CA12: variants seen among roughly 807,000 people sequenced by gnomAD.
CA12 encodes carbonate dehydratase XII.
Under a neutral mutation model 46.8 loss-of-function variants are expected in CA12, and 36 were observed. The ratio of observed to expected loss-of-function variants is 0.77; its 90% CI spans 0.59 to 1.02. CA12 has a LOEUF of 1.02. Ranked by LOEUF, CA12 falls within the 50% of genes least tolerant of loss-of-function variation. The pLI is 0.00. For synonymous variants in CA12, 202 were observed against 187.0 expected (o/e 1.08, Z -0.65); for missense variants, 436 against 451.4 (o/e 0.97, Z 0.31).
At chr15:63,381,072 G>C (rs1172038819) in intron 1 of CA12, among the ~76,000 whole-genome samples, 2 of 152,060 alleles carry the variant, frequency 1.3e-5, no homozygotes, top group Non-Finnish European at 2.9e-5. Context: ...GTGTGTGTGT[G>C]TACGTGCACA....
At chr15:63,336,539 C>T (rs1457241308) in intron 8 of CA12, among the ~76,000 whole-genome samples, 2 of 145,476 alleles carry the variant, frequency 1.4e-5, no homozygotes, top group Admixed American at 6.8e-5. Flanking sequence ...CTAATCCAAC[C>T]TGGCTTTTTT....
At chr15:63,350,813 T>C (rs1179011781) in intron 2 of CA12, among the ~76,000 whole-genome samples, 6 of 152,198 alleles carry the variant, frequency 3.9e-5, no homozygotes, top group Admixed American at 2.0e-4. Context: ...GTCACCCAGC[T>C]TGGACAGTTT....
At chr15:63,368,788 G>C (rs976444320) in intron 2 of CA12, among the ~76,000 whole-genome samples, 1 of 152,224 alleles carries the variant, frequency 6.6e-6, no homozygotes, top group African/African-American at 2.4e-5. Flanking sequence ...CTGCACCTGC[G>C]GTTCCAAGGC....
In CA12 at chr15:63,323,456, A is replaced by G. The variant is rs2038820785; in HGVS notation, c.*2829T>C. On this transcript the variant is annotated 3_prime_UTR_variant, in exon 11 of 11. Coordinates refer to ENST00000178638, the MANE Select transcript of CA12 (RefSeq NM_001218.5). The surrounding 1 kb of genome is among the most constrained non-coding windows in gnomAD (Gnocchi z 5.1). ...TTATTCTGATTAGTTACCTATCCCC[A>G]TAACAGGGAGCTACAGAGTGCTTTG... 6.6e-6 allele frequency: 1 copy of G among 152,478 alleles called. No homozygotes were observed. Among genetic ancestry groups the G allele is most frequent in the Non-Finnish European group, 1.5e-5 (1 of 68,034 alleles). The allele number at this position is 152,478 out of a possible 1,614,324, so 9.4% of individuals were successfully genotyped here.
chr15:63,375,778 G>T, intron 1 of CA12, 100 bp from the exon 2 acceptor site: 2 of 786,680 alleles, frequency 2.5e-6, no homozygotes, highest in East Asian at 2.6e-5. Context: ...TGAAAAGGAG[G>T]TCGATGCCCA....
rs949445922 is a variant in CA12, at chr15:63,345,758, C to A, written c.287-139G>T. 15 of 1,142,414 alleles carry A rather than the reference C, an allele frequency of 1.3e-5. No homozygotes were observed. The South Asian group carries it at 2.0e-4, about 15-fold the overall frequency. The allele number at this position is 1,142,414 out of a possible 1,614,324, so 70.8% of individuals were successfully genotyped here. A position where few individuals can be genotyped will look rare whatever the true frequency, so the allele number is the denominator to read the frequency against. Reference sequence around the variant, plus strand: ...AGAGGCAGGTGGATGGAGTGAGGTGCGGAGCAGAGATGCAGCCTAAAGGTC... The same window carrying A: ...AGAGGCAGGTGGATGGAGTGAGGTGAGGAGCAGAGATGCAGCCTAAAGGTC... On this transcript the variant is annotated intron_variant, in intron 3 of 10. Coordinates refer to ENST00000178638, the MANE Select transcript of CA12 (RefSeq NM_001218.5). This position sits in a 1 kb window ranked among gnomAD's most constrained non-coding sequence, Gnocchi z 4.3.
In CA12 at chr15:63,341,355, C is replaced by G. The variant is rs895375334; in HGVS notation, c.526-572G>C. Among the ~76,000 whole-genome samples the G allele has an allele frequency of 2.6e-5, 4 of 152,216 alleles. No individual in the cohort carries two copies. The highest frequency in any genetic ancestry group is 9.7e-5 in the African/African-American group (4 of 41,444). The stretch of plus-strand genomic sequence containing the variant: ...AGGAGGTGAGCAGCGGGCAAGCAAG[C>G]ATTACAGCCTGAGCTCCGCCCCCTG... On this transcript the variant is annotated intron_variant, in intron 5 of 10. Transcript: ENST00000178638. This position sits in a 1 kb window ranked among gnomAD's most constrained non-coding sequence, Gnocchi z 5.2.
intron 8 of CA12, among the ~76,000 whole-genome samples, chr15:63,333,160 G>C (rs1043420761): frequency 4.6e-5 from 7 of 152,238 alleles, no homozygotes; most frequent in African/African-American, 1.7e-4. Context: ...CAGACATCAA[G>C]TGTGTGTACT....
rs932265129 is a variant in CA12, at chr15:63,339,328, G to T, written c.748-383C>A. 6.6e-6 allele frequency among the ~76,000 whole-genome samples: 1 copy of T among 152,096 alleles called. No homozygotes were observed. Among genetic ancestry groups the T allele is most frequent in the Non-Finnish European group, 1.5e-5 (1 of 68,020 alleles). Reference sequence around the variant, plus strand: ...GAGGCCAGCTCTCAACCAGAGGGTCGCAGGGCTTGTTCTGATGGTCATATC... The same window carrying T: ...GAGGCCAGCTCTCAACCAGAGGGTCTCAGGGCTTGTTCTGATGGTCATATC... On this transcript the variant is annotated intron_variant, in intron 7 of 10. Transcript: ENST00000178638. This position sits in a 1 kb window ranked among gnomAD's most constrained non-coding sequence, Gnocchi z 4.3.
chr15:63,346,134 C>T (rs995083012), intron 3 of CA12, among the ~76,000 whole-genome samples: 5 of 152,154 alleles, frequency 3.3e-5, no homozygotes, highest in East Asian at 1.9e-4. Flanking sequence ...TCTCATGGCT[C>T]GTAAGCAGTC....
At chr15:63,381,202 A>C (rs1443115577) in intron 1 of CA12, among the ~76,000 whole-genome samples, 1 of 152,122 alleles carries the variant, frequency 6.6e-6, no homozygotes, top group South Asian at 2.1e-4. Context: ...CTCCAAAGAA[A>C]AGCGCCTACC....
At position 63,341,203 on chromosome 15, in the gene CA12, G is replaced by C. The variant is rs1341363147; in HGVS notation, c.526-420C>G. 6.6e-6 allele frequency among the ~76,000 whole-genome samples: 1 copy of C among 152,160 alleles called. No individual in the cohort carries two copies. The highest frequency in any genetic ancestry group is 1.5e-5 in the Non-Finnish European group (1 of 68,038). ...GAAAAAAAAACATGCAAGCCAATCA[G>C]AAGACATTCCTCTATCTTGGGATAA... On this transcript the variant is annotated intron_variant, in intron 5 of 10. Transcript: ENST00000178638. The surrounding 1 kb of genome is among the most constrained non-coding windows in gnomAD (Gnocchi z 5.2).
intron 2 of CA12, among the ~76,000 whole-genome samples, chr15:63,365,751 C>A (rs1223469017): frequency 6.6e-6 from 1 of 152,220 alleles, no homozygotes; most frequent in Non-Finnish European, 1.5e-5. Context: ...GGTCTCCCTT[C>A]CTCTGGGGTT....
intron 8 of CA12, among the ~76,000 whole-genome samples, chr15:63,334,188 G>A (rs2038969329): frequency 6.7e-6 from 1 of 148,278 alleles, no homozygotes; most frequent in Non-Finnish European, 1.5e-5. Context: ...CCTTGAGGAC[G>A]AGTCTTGCTT....
In CA12 at chr15:63,364,332, G is replaced by GAAAAAAAAAAAAAAAAA. The variant is rs34673043; in HGVS notation, c.106+11309_106+11325dup. Among the ~76,000 whole-genome samples, 3 of 56,116 alleles carry GAAAAAAAAAAAAAAAAA rather than the reference G, an allele frequency of 5.3e-5. 1 individual carries two copies. The highest frequency in any genetic ancestry group is 1.7e-3 in the East Asian group (2 of 1,208). 36.8% of individuals were successfully genotyped at this position (56,116 alleles called of 152,430 possible). A position where few individuals can be genotyped will look rare whatever the true frequency, so the allele number is the denominator to read the frequency against. On this transcript the variant is annotated intron_variant, in intron 2 of 10. Coordinates refer to ENST00000178638, the MANE Select transcript of CA12 (RefSeq NM_001218.5). ...GTGAAACAGTGAAACCCCGTCACTA[G>GAAAAAAAAAAAAAAAAA]AAAAAAAAAAAAAAAAAAAAAAACA...
rs2038829281 is a variant in CA12, at chr15:63,323,893, C to T, written c.*2392G>A. On this transcript the variant is annotated 3_prime_UTR_variant, in exon 11 of 11. Coordinates refer to ENST00000178638, the MANE Select transcript of CA12 (RefSeq NM_001218.5). The surrounding 1 kb of genome is among the most constrained non-coding windows in gnomAD (Gnocchi z 5.1). ...TTCAAGATCTCACATGAGTGAGAAT[C>T]CAGGGCCTTCCCCTCTGGCCCTGGC... is the stretch of plus-strand genomic sequence containing the variant. The T allele has an allele frequency of 6.6e-6, 1 of 152,222 alleles. No homozygotes were observed. The highest frequency in any genetic ancestry group is 2.4e-5 in the African/African-American group (1 of 41,462). The allele number at this position is 152,222 out of a possible 1,614,324, so 9.4% of individuals were successfully genotyped here.
chr15:63,375,178 C>G (rs1370814290), intron 2 of CA12, among the ~76,000 whole-genome samples: 1 of 152,212 alleles, frequency 6.6e-6, no homozygotes, highest in Admixed American at 6.5e-5. Context: ...CCTCTTCATC[C>G]ATCGCTAGCT....
In CA12 at chr15:63,330,970, C is replaced by T. The variant is rs28668092; in HGVS notation, c.875-2840G>A. ...AGCCAAGACTTTGATACAGCAAAAA[C>T]GAAGCAGCTTGACTGAGCCAACATC... is the stretch of plus-strand genomic sequence containing the variant. On this transcript the variant is annotated intron_variant, in intron 8 of 10. Transcript: ENST00000178638. This position sits in a 1 kb window ranked among gnomAD's most constrained non-coding sequence, Gnocchi z 4.0. Among the ~76,000 whole-genome samples the T allele has an allele frequency of 0.012, 1,830 of 152,312 alleles. 46 individuals are homozygous for T. The highest frequency in any genetic ancestry group is 0.042 in the African/African-American group (1,738 of 41,556).
Position 63,341,779 on chromosome 15 carries a change from C to T in CA12, c.525+223G>A, listed in dbSNP as rs901013081. On this transcript the variant is annotated intron_variant, in intron 5 of 10. Coordinates refer to ENST00000178638, the MANE Select transcript of CA12 (RefSeq NM_001218.5). The surrounding 1 kb of genome is among the most constrained non-coding windows in gnomAD (Gnocchi z 5.2). ...TAGATGTTGGGGCCCGTTTTTCCAA[C>T]GGACCAAAGAACATTCCCCATTTCT... Among the ~76,000 whole-genome samples the T allele has an allele frequency of 4.6e-5, 7 of 152,190 alleles. No individual in the cohort carries two copies. Among genetic ancestry groups the T allele is most frequent in the Admixed American group, 1.3e-4 (2 of 15,282 alleles).
Sources: gnomAD v4.1 joint callset for allele counts (sites outside exome capture counted in the v4.1 genomes callset) on GRCh38, gnomAD v4.1.1 for gene constraint, Gnocchi (gnomAD v3.1) non-coding constraint, MANE v1.5 for transcripts, NCBI Gene and HGNC (gene_info 2026-07-23, HGNC 2026-07-21) for gene names.